SBF2: variants seen among roughly 807,000 people sequenced by gnomAD.
SBF2 encodes the protein myotubularin-related protein 13.
A neutral mutation model predicts 225.2 loss-of-function variants in SBF2; 112 were observed. That is an observed-to-expected ratio of 0.50 (90% confidence interval 0.43 to 0.58). The LOEUF is 0.58. Among genes scored for constraint, SBF2 ranks in the 20% least tolerant of loss-of-function variants. SBF2 has a pLI of 0.00. For synonymous variants in SBF2, 763 were observed against 773.3 expected, an observed-to-expected ratio of 0.99 and a Z score of 0.22; for missense variants, 1,996 against 2,206.2, an observed-to-expected ratio of 0.90 and a Z score of 1.91.
At chr11:10,247,398 A>G (rs1275539377) in intron 1 of SBF2, among the ~76,000 whole-genome samples, 1 of 151,908 alleles carries the variant, frequency 6.6e-6, no homozygotes, top group East Asian at 1.9e-4. Context: ...AACAACAATC[A>G]GGCTGGGCAT....
intron 2 of SBF2, among the ~76,000 whole-genome samples, chr11:10,179,331 A>T (rs1956620923): frequency 6.6e-6 from 1 of 151,880 alleles, no homozygotes; most frequent in South Asian, 2.1e-4. Context: ...GTACCCTAAA[A>T]CTTAAAGTAT....
In SBF2 at chr11:9,976,051, ATTCTTC is replaced by A. The variant is rs750486578; in HGVS notation, c.1396-7512_1396-7507del. Among the ~76,000 whole-genome samples, 157 of 141,600 alleles carry A rather than the reference ATTCTTC, an allele frequency of 1.1e-3. 1 individual carries two copies. Among genetic ancestry groups the A allele is most frequent in the Middle Eastern group, 3.6e-3 (1 of 278 alleles). The allele number at this position is 141,600 out of a possible 152,430, so 92.9% of individuals were successfully genotyped here. A position where few individuals can be genotyped will look rare whatever the true frequency, so the allele number is the denominator to read the frequency against. Reference sequence around the variant, plus strand: ...CATAAGGCACAATTATAAATCTCATATTCTTCTTCTTCTTCTTCTTCTTTTTTTTTT... The same window carrying A: ...CATAAGGCACAATTATAAATCTCATATTCTTCTTCTTCTTCTTTTTTTTTT... On this transcript the variant is annotated intron_variant, in intron 13 of 39. Coordinates refer to ENST00000256190, the MANE Select transcript of SBF2 (RefSeq NM_030962.4).
At chr11:9,782,870 A>AAAAG (rs1407673040) in intron 38 of SBF2, among the ~76,000 whole-genome samples, 2 of 117,414 alleles carry the variant, frequency 1.7e-5, no homozygotes, top group Admixed American at 9.4e-5. Context: ...ACTCTGTCTC[A>AAAAG]AAAGAAAAAA....
chr11:10,056,561 G>C (rs1156662858), intron 2 of SBF2, among the ~76,000 whole-genome samples: 6 of 152,194 alleles, frequency 3.9e-5, no homozygotes, highest in African/African-American at 1.4e-4. Flanking sequence ...TTGGTGTATA[G>C]GAATCCTAGT....
chr11:10,212,183 A>G (rs61892597), intron 1 of SBF2, among the ~76,000 whole-genome samples: 16,139 of 152,242 alleles, frequency 0.11, 1,006 homozygotes, highest in Non-Finnish European at 0.11. Context: ...CTTGTTGAAC[A>G]TATTTATTCC....
rs775391548 is a variant in SBF2 at position 9,839,558 on chromosome 11, C to A, written c.3395G>T (p.Arg1132Leu). Residue 1132 changes from arginine to leucine, a missense_variant, in exon 26 of 40, where the codon CGT becomes CTT. Physicochemically the swap from Arg to Leu is moderately radical, Grantham distance 102. Coordinates refer to ENST00000256190, the MANE Select transcript of SBF2 (RefSeq NM_030962.4). ...AATTCTAAAATACTCGGGTCTTGAACGGGAAGAGCTGCCACTTATGGTTCC... is the reference window on the plus strand; with the variant it reads ...AATTCTAAAATACTCGGGTCTTGAAAGGGAAGAGCTGCCACTTATGGTTCC... ...GLGTISGSSS[R>L]SRPEYFRITA... 1.9e-6 allele frequency: 3 copies of A among 1,614,132 alleles called. No homozygotes were observed. The highest frequency in any genetic ancestry group is 2.2e-5 in the East Asian group (1 of 44,884).
chr11:10,060,572 C>G (rs995302740), intron 2 of SBF2, among the ~76,000 whole-genome samples: 1 of 152,126 alleles, frequency 6.6e-6, no homozygotes, highest in African/African-American at 2.4e-5. Flanking sequence ...GGCAGAGACA[C>G]AACAGAGAAA....
In SBF2 at chr11:9,802,616, G is replaced by C. The variant is rs181234041; in HGVS notation, c.4443+5384C>G. Among the ~76,000 whole-genome samples, 84 of 152,254 alleles carry C rather than the reference G, an allele frequency of 5.5e-4. 1 individual carries two copies. The highest frequency in any genetic ancestry group is 1.7e-3 in the Admixed American group (26 of 15,292). On this transcript the variant is annotated intron_variant, in intron 32 of 39. Coordinates refer to ENST00000256190, the MANE Select transcript of SBF2 (RefSeq NM_030962.4). ...GCCTAGTTCTGTTGTGTGTCCCTGA[G>C]AGACTGAGGGCAGCACTAATTCGAA...
chr11:10,107,483 G>A (rs1009089049), intron 2 of SBF2, among the ~76,000 whole-genome samples: 2 of 152,098 alleles, frequency 1.3e-5, no homozygotes, highest in African/African-American at 4.8e-5. Flanking sequence ...TCACAGGGCT[G>A]CTGTGACAAA....
At position 9,781,385 on chromosome 11, in the gene SBF2, G is replaced by A. The variant is rs190715440; in HGVS notation, c.5451+122C>T. The A allele has an allele frequency of 2.4e-4, 318 of 1,298,146 alleles. 1 individual carries two copies. The highest frequency in any genetic ancestry group is 2.8e-4 in the Non-Finnish European group (251 of 901,972). 80.4% of individuals were successfully genotyped at this position (1,298,146 alleles called of 1,614,324 possible). A position where few individuals can be genotyped will look rare whatever the true frequency, so the allele number is the denominator to read the frequency against. Reference sequence around the variant, plus strand: ...TTCAAGCTCTGGAACAATTCCCATAGCCAAGGGGGTCTGTCATCCATCTGT... The same window carrying A: ...TTCAAGCTCTGGAACAATTCCCATAACCAAGGGGGTCTGTCATCCATCTGT... On this transcript the variant is annotated intron_variant, in intron 39 of 39. Coordinates refer to ENST00000256190, the MANE Select transcript of SBF2 (RefSeq NM_030962.4).
intron 23 of SBF2, among the ~76,000 whole-genome samples, chr11:9,846,215 T>C (rs1285149551): frequency 6.6e-6 from 1 of 152,178 alleles, no homozygotes; most frequent in African/African-American, 2.4e-5. Flanking sequence ...CAGCCAATGC[T>C]TTCAGGTGAT....
intron 17 of SBF2, among the ~76,000 whole-genome samples, chr11:9,866,049 C>A (rs528639647): frequency 6.6e-6 from 1 of 152,170 alleles, no homozygotes; most frequent in Admixed American, 6.5e-5. Flanking sequence ...GTACTTGACA[C>A]GGGTCCCAGT....
chr11:10,290,122 T>C (rs1045229174), intron 1 of SBF2, among the ~76,000 whole-genome samples: 3 of 152,164 alleles, frequency 2.0e-5, no homozygotes, highest in Non-Finnish European at 2.9e-5. Flanking sequence ...AGCTTCTGGA[T>C]TGTATTACTT....
chr11:9,877,624 C>T (rs1859372265), intron 17 of SBF2, among the ~76,000 whole-genome samples: 1 of 152,168 alleles, frequency 6.6e-6, no homozygotes, highest in South Asian at 2.1e-4. Context: ...TCAATCCTCA[C>T]CTATGAGTGA....
chr11:10,291,280 TA>T (rs1377769327), intron 1 of SBF2, among the ~76,000 whole-genome samples: 1 of 152,108 alleles, frequency 6.6e-6, no homozygotes, highest in East Asian at 1.9e-4. Context: ...GTTCCCTTTT[TA>T]AAGAGACCCC....
Position 9,839,553 on chromosome 11 carries a change from T to C in SBF2, c.3400A>G (p.Arg1134Gly). ...GCAGTAATTCTAAAATACTCGGGTC[T>C]TGAACGGGAAGAGCTGCCACTTATG... Reference protein sequence around the residue: ...GTISGSSSRSRPEYFRITASN... With the variant: ...GTISGSSSRSGPEYFRITASN... Residue 1134 changes from arginine (R) to glycine (G), a missense_variant, in exon 26 of 40, where the codon AGA (arginine) becomes GGA (glycine). Transcript: ENST00000256190. 1.9e-6 allele frequency: 3 copies of C among 1,614,200 alleles called. No individual in the cohort carries two copies. The highest frequency in any genetic ancestry group is 2.5e-6 in the Non-Finnish European group (3 of 1,180,026).
intron 2 of SBF2, among the ~76,000 whole-genome samples, chr11:10,068,053 G>C (rs568299284): frequency 8.5e-5 from 13 of 152,336 alleles, no homozygotes; most frequent in African/African-American, 2.4e-4. Flanking sequence ...ATGAAATCAT[G>C]AAATGAAGCA....
intron 6 of SBF2, among the ~76,000 whole-genome samples, chr11:10,010,676 T>C (rs7120865): frequency 0.52 from 79,645 of 152,036 alleles, 21,388 homozygotes; most frequent in Admixed American, 0.61. Flanking sequence ...TAGCATGATG[T>C]CTCCAGCTTT....
chr11:9,979,512 A>C (rs1946848433), intron 13 of SBF2, among the ~76,000 whole-genome samples: 1 of 152,202 alleles, frequency 6.6e-6, no homozygotes, highest in Non-Finnish European at 1.5e-5. Context: ...ACAGAATTCT[A>C]CCAGATTTCT....
Sources: allele counts gnomAD v4.1 joint callset (sites outside exome capture counted in the v4.1 genomes callset), GRCh38; gene constraint gnomAD v4.1.1; transcripts MANE v1.5; gene names NCBI Gene and HGNC (gene_info 2026-07-23, HGNC 2026-07-21).